The following SP140 variants were observed in gnomAD, a reference collection of about 807,000 sequenced individuals.
SP140 encodes SP140 nuclear body protein.
Under a neutral mutation model 125.0 loss-of-function variants are expected in SP140, and 81 were observed. That is an observed-to-expected ratio of 0.65 (90% CI 0.54 to 0.78). The LOEUF (loss-of-function observed/expected upper bound fraction) is 0.78, where lower values mean the gene tolerates loss of function less well. Ranked by LOEUF, SP140 falls within the 30% of genes least tolerant of loss-of-function variation. The probability of loss-of-function intolerance (pLI) is 0.00; values close to 1 mark genes in which losing one functional copy is unlikely to be tolerated. For missense variants in SP140, 858 were observed against 1,037.0 expected, an observed-to-expected ratio of 0.83 and a Z score of 2.37; for synonymous variants, 312 against 354.0, an observed-to-expected ratio of 0.88 and a Z score of 1.33.
At chr2:230,215,953 G>A (rs1391718350) in intron 3 of SP140, among the ~76,000 whole-genome samples, 1 of 152,214 alleles carries the variant, frequency 6.6e-6, no homozygotes, top group East Asian at 1.9e-4. Flanking sequence ...GTGATCTGAA[G>A]AGGGAGTTGG....
chr2:230,224,549 A>G (rs976732170), upstream of SP140, among the ~76,000 whole-genome samples: 3 of 151,422 alleles, frequency 2.0e-5, no homozygotes, highest in Non-Finnish European at 4.4e-5. Flanking sequence ...AGAGAGAGAT[A>G]CTGGAAAAGG....
chr2:230,301,543 T>C (rs2058284882), intron 22 of SP140, among the ~76,000 whole-genome samples: 1 of 152,328 alleles, frequency 6.6e-6, no homozygotes, highest in South Asian at 2.1e-4. Context: ...CTAAGCTTCA[T>C]AAATGAAGGA....
upstream of SP140, among the ~76,000 whole-genome samples, chr2:230,198,431 G>A (rs1367321415): frequency 2.0e-5 from 3 of 152,170 alleles, no homozygotes; most frequent in Non-Finnish European, 4.4e-5. Context: ...AACATGGGCA[G>A]GGTGAGCACT....
intron 22 of SP140, among the ~76,000 whole-genome samples, chr2:230,302,039 G>A (rs930352164): frequency 2.6e-5 from 4 of 152,094 alleles, no homozygotes; most frequent in South Asian, 4.1e-4. Context: ...GACAAAGAGC[G>A]ACCTTATATA....
chr2:230,292,891 G>T, intron 20 of SP140, 103 bp downstream of exon 20: 1 of 1,522,502 alleles, frequency 6.6e-7, no homozygotes, highest in East Asian at 2.3e-5. Context: ...CTAAAGCCTT[G>T]ATGCCAGTGG....
At chr2:230,259,227 T>A (rs1304174973) in intron 12 of SP140, among the ~76,000 whole-genome samples, 1 of 152,190 alleles carries the variant, frequency 6.6e-6, no homozygotes, top group Non-Finnish European at 1.5e-5. Flanking sequence ...ACCATATTTG[T>A]AGTCTTCTAT....
At chr2:230,298,701 A>T (rs2058002090) in intron 22 of SP140, among the ~76,000 whole-genome samples, 1 of 152,198 alleles carries the variant, frequency 6.6e-6, no homozygotes, top group Non-Finnish European at 1.5e-5. Flanking sequence ...CTTAGGTTGA[A>T]TCTCATATTG....
intron 10 of SP140, among the ~76,000 whole-genome samples, chr2:230,252,317 C>G (rs2050494205): frequency 6.6e-6 from 1 of 151,878 alleles, no homozygotes; most frequent in South Asian, 2.1e-4. Context: ...GGACAGTTGC[C>G]TTCATAGAGT....
Position 230,211,902 on chromosome 2 carries a change from G to A in SP140, c.-322-1752G>A, listed in dbSNP as rs4973299. Among the ~76,000 whole-genome samples the A allele has an allele frequency of 0.92, 139,414 of 152,264 alleles. 63,977 individuals carry two copies. The highest frequency in any genetic ancestry group is 1 in the East Asian group (5,172 of 5,184). ...ATGCCCAATATCATACCATTCTTAC[G>A]TTTAATGTAATCAAACTCCATTATG... On this transcript the variant is annotated intron_variant, in intron 1 of 4. Coordinates refer to the SP140 transcript ENST00000456542. This position sits in a 1 kb window ranked among gnomAD's most constrained non-coding sequence, Gnocchi z 4.2.
Position 230,292,703 on chromosome 2 carries a change from T to A in SP140, c.1883T>A (p.Phe628Tyr). The A allele has an allele frequency of 1.2e-6, 2 of 1,614,158 alleles. No individual in the cohort carries two copies. Among genetic ancestry groups the A allele is most frequent in the Non-Finnish European group, 1.7e-6 (2 of 1,180,026 alleles). The change falls in exon 20 of 27, where the codon TTT (phenylalanine) becomes TAT (tyrosine). Residue 628 changes from phenylalanine to tyrosine, a missense_variant. Transcript: ENST00000392045. ...EDGKWFTPTE[F>Y]EIKGGHARSK... ...GGAAAATGGTTCACCCCCACGGAAT[T>A]TGAAATCAAAGGAGGCCATGCAAGA...
rs920687997 is a variant in SP140 at position 230,272,084 on chromosome 2, A to G, written c.1498+1445A>G. 3.9e-5 allele frequency among the ~76,000 whole-genome samples: 6 copies of G among 152,218 alleles called. No homozygotes were observed. The East Asian group carries it at 1.2e-3, about 29-fold the overall frequency. ...ACAGATGACACAAACAAATGGAAAA[A>G]CATTCCATGTTCATGGATAGGAAGA... On this transcript the variant is annotated intron_variant, in intron 15 of 26. Transcript: ENST00000392045.
At chr2:230,261,748 A>G (rs1046979382) in intron 12 of SP140, among the ~76,000 whole-genome samples, 3 of 152,172 alleles carry the variant, frequency 2.0e-5, no homozygotes, top group Non-Finnish European at 4.4e-5. Flanking sequence ...TATGTGGTGT[A>G]TCATATTTAT....
chr2:230,267,252 C>T (rs1432122199), intron 12 of SP140, among the ~76,000 whole-genome samples: 1 of 152,162 alleles, frequency 6.6e-6, no homozygotes, highest in African/African-American at 2.4e-5. Context: ...TTATTGCTTG[C>T]AGACCTCAAA....
At chr2:230,251,951 C>T (rs911063781) in intron 10 of SP140, among the ~76,000 whole-genome samples, 1 of 152,036 alleles carries the variant, frequency 6.6e-6, no homozygotes, top group Admixed American at 6.6e-5. Flanking sequence ...TGACTCCTTA[C>T]AGGCTTTCAG....
chr2:230,293,376 G>A (rs936488243), intron 20 of SP140, among the ~76,000 whole-genome samples: 1 of 152,128 alleles, frequency 6.6e-6, no homozygotes, highest in Non-Finnish European at 1.5e-5. Context: ...TCACTCTGTT[G>A]CCCAAGCAGG....
At chr2:230,287,166 C>A (rs1010003612) in intron 17 of SP140, among the ~76,000 whole-genome samples, 1 of 152,166 alleles carries the variant, frequency 6.6e-6, no homozygotes, top group Non-Finnish European at 1.5e-5. Context: ...ATGAAGGCTG[C>A]GGAAATCTCA....
chr2:230,211,470 C>T lies in SP140; in HGVS notation c.-322-2184C>T. On this transcript the variant is annotated intron_variant, in intron 1 of 4. Transcript: ENST00000456542. This position sits in a 1 kb window ranked among gnomAD's most constrained non-coding sequence, Gnocchi z 4.2. ...TTTAGGTTGACCAAACCAAGATTAC[C>T]TGGCATAGAGCCCAAGGGAGAGTGG... 2 of 1,585,216 alleles carry T rather than the reference C, an allele frequency of 1.3e-6. No homozygotes were observed. The highest frequency in any genetic ancestry group is 1.7e-6 in the Non-Finnish European group (2 of 1,153,602).
At position 230,237,249 on chromosome 2, in the gene SP140, C is replaced by T; in HGVS notation, c.226C>T (p.Gln76Ter). 6.2e-7 allele frequency: 1 copy of T among 1,611,140 alleles called. No individual in the cohort carries two copies. Among genetic ancestry groups the T allele is most frequent in the Non-Finnish European group, 8.5e-7 (1 of 1,179,058 alleles). The change falls in exon 2 of 27, where the codon CAG becomes TAG. Residue 76 changes from glutamine to a stop codon, truncating the protein, a stop_gained. Coordinates refer to ENST00000392045, the MANE Select transcript of SP140 (RefSeq NM_007237.5). LOFTEE classifies it high-confidence loss of function. The surrounding 1 kb of genome is among the most constrained non-coding windows in gnomAD (Gnocchi z 5.4). ...GLRDRSFISE[Q>*]MYEHFQEAFR... ...CCGAGACCGCTCCTTCATCTCCGAG[C>T]AGATGTATGAAGTAAGTAAGAATTT...
In SP140 at chr2:230,255,537, G is replaced by A. The variant is rs1156294732; in HGVS notation, c.1240+5G>A. On this transcript the variant is annotated splice_donor_5th_base_variant and intron_variant, in intron 12 of 26. Transcript: ENST00000392045. ...CCCTAGCAAGACGTGGGTCAGGTAAGGACGGGGGGGGGGATTTCTGGCCCT... is the reference window on the plus strand; with the variant it reads ...CCCTAGCAAGACGTGGGTCAGGTAAAGACGGGGGGGGGGATTTCTGGCCCT... 2 of 1,488,806 alleles carry A rather than the reference G, an allele frequency of 1.3e-6. No individual in the cohort carries two copies. Among genetic ancestry groups the A allele is most frequent in the Non-Finnish European group, 1.8e-6 (2 of 1,126,986 alleles). 92.2% of individuals were successfully genotyped at this position (1,488,806 alleles called of 1,614,324 possible). A position where few individuals can be genotyped will look rare whatever the true frequency, so the allele number is the denominator to read the frequency against.
Sources: gnomAD v4.1 joint callset for allele counts (sites outside exome capture counted in the v4.1 genomes callset) on GRCh38, gnomAD v4.1.1 for gene constraint, Gnocchi (gnomAD v3.1) non-coding constraint, MANE v1.5 for transcripts, NCBI Gene and HGNC (gene_info 2026-07-23, HGNC 2026-07-21) for gene names.